The following ATG7 variants were observed in gnomAD, a reference collection of about 807,000 sequenced individuals.
ATG7 encodes ubiquitin-like modifier-activating enzyme ATG7.
Under a neutral mutation model 82.4 loss-of-function variants are expected in ATG7, and 70 were observed. The observed-to-expected ratio is 0.85, with a 90% CI of 0.70 to 1.04. The LOEUF (loss-of-function observed/expected upper bound fraction) is 1.04, where lower values mean the gene tolerates loss of function less well. Ranked by LOEUF, ATG7 falls within the 50% of genes least tolerant of loss-of-function variation. ATG7 has a pLI of 0.00. For missense variants in ATG7, 792 were observed against 864.3 expected (o/e 0.92, Z 1.05); for synonymous variants, 287 against 313.0 (o/e 0.92, Z 0.88).
chr3:11,468,894 T>A (rs563032356), intron 20 of ATG7, among the ~76,000 whole-genome samples: 8 of 152,230 alleles, frequency 5.3e-5, no homozygotes, highest in South Asian at 4.1e-4. Context: ...TTTGTAATGT[T>A]TGTAGACTGC....
downstream of ATG7, chr3:11,559,347 G>A (rs986688119): frequency 1.1e-5 from 17 of 1,547,766 alleles, no homozygotes; most frequent in East Asian, 2.4e-5. Context: ...GGTGGCCTCC[G>A]GTAGCTGGCA....
intron 14 of ATG7, among the ~76,000 whole-genome samples, chr3:11,353,602 TC>T (rs1445128817): frequency 2.6e-5 from 4 of 152,198 alleles, no homozygotes; most frequent in Non-Finnish European, 4.4e-5. Flanking sequence ...GGTGGATCCC[TC>T]ATGAATGGCT....
At chr3:11,368,174 T>C (rs2152824336) in intron 18 of ATG7, among the ~76,000 whole-genome samples, 1 of 150,308 alleles carries the variant, frequency 6.7e-6, no homozygotes, top group South Asian at 2.1e-4. Context: ...AACTTTTTCA[T>C]TATAAATCTT....
Position 11,370,599 on chromosome 3 carries a change from A to C in ATG7, c.1875+5865A>C, listed in dbSNP as rs545644528. On this transcript the variant is annotated intron_variant, in intron 18 of 20. Transcript: ENST00000693202. ...AGCAGCAAGTTCCAGTTGTGGCTGC[A>C]ACTGTGCTTTCTCAGAATGGCTGTT... Among the ~76,000 whole-genome samples the C allele has an allele frequency of 9.3e-5, 14 of 151,328 alleles. 1 individual carries two copies. The East Asian group carries it at 2.1e-3, about 23-fold the overall frequency.
At chr3:11,470,173 A>G (rs2087326889) in intron 20 of ATG7, among the ~76,000 whole-genome samples, 1 of 152,138 alleles carries the variant, frequency 6.6e-6, no homozygotes, top group Admixed American at 6.5e-5. Context: ...CTAGCAGTGC[A>G]AATTACTTCA....
chr3:11,457,702 C>T (rs2085878735), intron 20 of ATG7, among the ~76,000 whole-genome samples: 1 of 152,058 alleles, frequency 6.6e-6, no homozygotes, highest in Non-Finnish European at 1.5e-5. Flanking sequence ...ATTTGTGTGC[C>T]CCTCGCTTAT....
At position 11,395,797 on chromosome 3, in the gene ATG7, G is replaced by A. The variant is rs867179701; in HGVS notation, c.1956+15745G>A. ...CTACTAAAAATACAAAAAATTAGCCGGGCGTGGTGGTGGGCGCCTGTAGTC... is the reference window on the plus strand; with the variant it reads ...CTACTAAAAATACAAAAAATTAGCCAGGCGTGGTGGTGGGCGCCTGTAGTC... On this transcript the variant is annotated intron_variant, in intron 19 of 20. Transcript: ENST00000693202. 3.8e-4 allele frequency among the ~76,000 whole-genome samples: 58 copies of A among 151,986 alleles called. 2 individuals are homozygous for A. In the Middle Eastern group the frequency reaches 0.021, roughly 54 times the overall value.
In ATG7 at chr3:11,357,657, A is replaced by G. The variant is rs143688926; in HGVS notation, c.1285-761A>G. On this transcript the variant is annotated intron_variant, in intron 14 of 20. Transcript: ENST00000693202. ...AACACTCCATATGGAGATGTTTAAC[A>G]CTGAGGAAACAGAAGGGAGGGCAAT... 4.7e-3 allele frequency among the ~76,000 whole-genome samples: 720 copies of G among 152,296 alleles called. 6 individuals are homozygous for G. The highest frequency in any genetic ancestry group is 0.017 in the African/African-American group (690 of 41,562).
intron 20 of ATG7, among the ~76,000 whole-genome samples, chr3:11,530,148 G>T (rs1222006578): frequency 1.6e-4 from 25 of 152,206 alleles, no homozygotes; most frequent in Admixed American, 1.6e-3. Context: ...AGCCAGCACA[G>T]ATGTGTTATA....
At chr3:11,498,510 C>T (rs2091042421) in intron 20 of ATG7, among the ~76,000 whole-genome samples, 1 of 152,200 alleles carries the variant, frequency 6.6e-6, no homozygotes, top group Non-Finnish European at 1.5e-5. Flanking sequence ...AATCCATCCA[C>T]CACCTCCACT....
At chr3:11,317,033 G>A (rs1949511066) in intron 9 of ATG7, among the ~76,000 whole-genome samples, 1 of 151,940 alleles carries the variant, frequency 6.6e-6, no homozygotes. Flanking sequence ...TTAGAGATGG[G>A]GTTTCACCGT....
chr3:11,547,036 C>T (rs2071354285), intron 20 of ATG7, among the ~76,000 whole-genome samples: 1 of 152,218 alleles, frequency 6.6e-6, no homozygotes, highest in Non-Finnish European at 1.5e-5. Flanking sequence ...ATTCATGGTG[C>T]TGGTGGGTGT....
the ATG7 span, chr3:11,568,634 G>A: frequency 1.3e-6 from 2 of 1,569,474 alleles, no homozygotes; most frequent in Non-Finnish European, 8.7e-7. The surrounding 1 kb of genome is among the most constrained non-coding windows in gnomAD (Gnocchi z 5.9). Flanking sequence ...GGTTCCCGGA[G>A]CTTCAAGACA....
At chr3:11,565,153 TGAG>T in the ATG7 span, 20 of 921,606 alleles carry the variant, frequency 2.2e-5, no homozygotes, top group Non-Finnish European at 2.9e-5. This position sits in a 1 kb window ranked among gnomAD's most constrained non-coding sequence, Gnocchi z 4.1. Context: ...GGCAGCACGA[TGAG>T]GAGCCGGTTG....
rs146073140 is a variant in ATG7, at chr3:11,513,949, G to C, written c.2080-40862G>C. Reference sequence around the variant, plus strand: ...TGCTGTGTCACCACTATGCAGTCTTGATCTCCCACGCTCAAGCAGTCCTCT... The same window carrying C: ...TGCTGTGTCACCACTATGCAGTCTTCATCTCCCACGCTCAAGCAGTCCTCT... On this transcript the variant is annotated intron_variant, in intron 20 of 20. Coordinates refer to ENST00000693202, the MANE Select transcript of ATG7 (RefSeq NM_001349232.2). Among the ~76,000 whole-genome samples, 125 of 152,270 alleles carry C rather than the reference G, an allele frequency of 8.2e-4. 1 individual carries two copies. In the East Asian group the frequency reaches 0.018, roughly 22 times the overall value.
chr3:11,320,614 C>G (rs148325345), intron 9 of ATG7, among the ~76,000 whole-genome samples: 22 of 152,170 alleles, frequency 1.4e-4, no homozygotes. Flanking sequence ...CTTGAGTGAT[C>G]TTTGATTAAT....
the ATG7 span, among the ~76,000 whole-genome samples, chr3:11,566,492 G>A: frequency 6.6e-6 from 1 of 152,198 alleles, no homozygotes; most frequent in South Asian, 2.1e-4. Context: ...AGCCCTTAGT[G>A]AATGTTTTTA....
rs186431089 is a variant in ATG7, at chr3:11,408,951, G to A, written c.1957-17853G>A. 1.3e-3 allele frequency among the ~76,000 whole-genome samples: 200 copies of A among 152,238 alleles called. 3 individuals are homozygous for A. Among genetic ancestry groups the A allele is most frequent in the Admixed American group, 9.2e-4 (14 of 15,290 alleles). ...TATGCTTACTTGTATATCTTCTTTGGTGAGGTATCTGTTAAGATCTTTGGC... is the reference window on the plus strand; with the variant it reads ...TATGCTTACTTGTATATCTTCTTTGATGAGGTATCTGTTAAGATCTTTGGC... On this transcript the variant is annotated intron_variant, in intron 19 of 20. Transcript: ENST00000693202.
intron 18 of ATG7, among the ~76,000 whole-genome samples, chr3:11,376,190 G>T (rs1179104934): frequency 6.6e-6 from 1 of 152,150 alleles, no homozygotes; most frequent in Non-Finnish European, 1.5e-5. Context: ...CTGAGAGAGG[G>T]GAGAATGAGG....
Sources: gnomAD v4.1 joint callset for allele counts (sites outside exome capture counted in the v4.1 genomes callset) on GRCh38, gnomAD v4.1.1 for gene constraint, Gnocchi (gnomAD v3.1) non-coding constraint, MANE v1.5 for transcripts, NCBI Gene and HGNC (gene_info 2026-07-23, HGNC 2026-07-21) for gene names.